CAMK2B: variants seen among roughly 807,000 people sequenced by gnomAD.
CAMK2B encodes the protein calcium/calmodulin dependent protein kinase II beta, also known as calcium/calmodulin-dependent protein kinase type II subunit beta.
Under a neutral mutation model 93.7 loss-of-function variants are expected in CAMK2B, and 27 were observed. That is an observed-to-expected ratio of 0.29 (90% CI 0.21 to 0.40). The LOEUF (loss-of-function observed/expected upper bound fraction) is 0.40. Ranked by LOEUF, CAMK2B falls within the 10% of genes least tolerant of loss-of-function variation. The pLI, the probability that CAMK2B is intolerant of heterozygous loss-of-function variation, is 1.00. For missense variants in CAMK2B, 568 were observed against 895.8 expected, an observed-to-expected ratio of 0.63 and a Z score of 4.67; for synonymous variants, 374 against 358.8, an observed-to-expected ratio of 1.04 and a Z score of -0.48.
chr7:44,313,733 T>C (rs1794146076), intron 1 of CAMK2B, among the ~76,000 whole-genome samples: 2 of 145,444 alleles, frequency 1.4e-5, no homozygotes, highest in South Asian at 2.7e-4. Context: ...ATGTGAGGGC[T>C]CACAGGTTCC....
At position 44,218,017 on chromosome 7, in the gene CAMK2B, G is replaced by C. The variant is rs966236807; in HGVS notation, c.*1508C>G. ...CAGGGCTAGACCCTGCCCTCCATCC[G>C]CTGGTGTCCTGGGCCCTGTGCCCAC... On this transcript the variant is annotated 3_prime_UTR_variant, in exon 24 of 24. Transcript: ENST00000395749. 1 of 152,342 alleles carries C rather than the reference G, an allele frequency of 6.6e-6. No individual in the cohort carries two copies. Among genetic ancestry groups the C allele is most frequent in the Non-Finnish European group, 1.5e-5 (1 of 68,180 alleles). 9.4% of individuals were successfully genotyped at this position (152,342 alleles called of 1,614,324 possible). A position where few individuals can be genotyped will look rare whatever the true frequency, so the allele number is the denominator to read the frequency against.
rs537871427 is a variant in CAMK2B, at chr7:44,228,840, G to A, written c.1424C>T (p.Pro475Leu). ...EAEGPLSAGPPPCLSPALLGP... is the reference protein window; with the variant it reads ...EAEGPLSAGPLPCLSPALLGP... ...TAGGAGAGCCGGAGACAGGCAGGGC[G>A]GGGGCCCCGCTGAGAGGGGGCCCTC... Residue 475 changes from proline (P) to leucine (L), a missense_variant, in exon 19 of 24, where the codon CCG becomes CTG. Around this residue, in one of 4 missense-constraint regions of CAMK2B, gnomAD observed 308 missense variants for 292.1 expected, o/e 1.05. Transcript: ENST00000395749. The A allele has an allele frequency of 5.2e-5, 77 of 1,493,244 alleles. No homozygotes were observed. Among genetic ancestry groups the A allele is most frequent in the Middle Eastern group, 1.9e-4 (1 of 5,398 alleles). The allele number at this position is 1,493,244 out of a possible 1,614,324, so 92.5% of individuals were successfully genotyped here. A position where few individuals can be genotyped will look rare whatever the true frequency, so the allele number is the denominator to read the frequency against.
At chr7:44,304,936 AGAGAAAAAAATTGTATCTTT>A (rs1791049174) in intron 1 of CAMK2B, among the ~76,000 whole-genome samples, 1 of 151,234 alleles carries the variant, frequency 6.6e-6, no homozygotes, top group Non-Finnish European at 1.5e-5. Flanking sequence ...TTCATTGTAA[AGAGAAAAAAATTGTATCTTT>A]AAAACACCAG....
rs370915741 is a variant in CAMK2B, at chr7:44,229,462, C to T, written c.1265G>A (p.Gly422Asp). 3.4e-6 allele frequency: 5 copies of T among 1,478,448 alleles called. No homozygotes were observed. Among genetic ancestry groups the T allele is most frequent in the Non-Finnish European group, 1.8e-6 (2 of 1,115,148 alleles). The allele number at this position is 1,478,448 out of a possible 1,614,324, so 91.6% of individuals were successfully genotyped here. The change falls in exon 18 of 24, where the codon GGC becomes GAC. Residue 422 changes from glycine (G) to aspartate (D), a missense_variant. By Grantham distance (94) the Gly-to-Asp change is moderately conservative. Transcript: ENST00000395749. ...CCCCTCGGCTTCTGGGGCTCCCGAG[C>T]CCCTCCTCACTGAGCTCAGGATGTC... ...VPDILSSVRR[G>D]SGAPEAEGPL...
chr7:44,296,535 C>A (rs550129819), intron 1 of CAMK2B, among the ~76,000 whole-genome samples: 1 of 151,972 alleles, frequency 6.6e-6, no homozygotes, highest in South Asian at 2.1e-4. Context: ...GTAATGTTGA[C>A]TGAGTCTTTC....
At chr7:44,222,391 G>A (rs1415965252) in intron 20 of CAMK2B, among the ~76,000 whole-genome samples, 2 of 152,034 alleles carry the variant, frequency 1.3e-5, no homozygotes, top group South Asian at 2.1e-4. Flanking sequence ...TGCCTCCAAC[G>A]GCCACATACA....
At position 44,239,719 on chromosome 7, in the gene CAMK2B, G is replaced by A. The variant is rs971884066; in HGVS notation, c.947-56C>T. 10 of 1,239,764 alleles carry A rather than the reference G, an allele frequency of 8.1e-6. No homozygotes were observed. In the African/African-American group the frequency reaches 9.0e-5, roughly 11 times the overall value. The allele number at this position is 1,239,764 out of a possible 1,614,324, so 76.8% of individuals were successfully genotyped here. A position where few individuals can be genotyped will look rare whatever the true frequency, so the allele number is the denominator to read the frequency against. On this transcript the variant is annotated intron_variant, in intron 12 of 23. Coordinates refer to ENST00000395749, the MANE Select transcript of CAMK2B (RefSeq NM_001220.5). ...GGGAGGGGTGGGCGGACACAGACGAGGGGTGGGCGAGGTAAGGGAAGAAAA... is the reference window on the plus strand; with the variant it reads ...GGGAGGGGTGGGCGGACACAGACGAAGGGTGGGCGAGGTAAGGGAAGAAAA...
At chr7:44,253,375 G>A (rs1014078375) in intron 5 of CAMK2B, among the ~76,000 whole-genome samples, 75 of 151,798 alleles carry the variant, frequency 4.9e-4, no homozygotes, top group Non-Finnish European at 4.1e-4. Flanking sequence ...CACCACGCCC[G>A]GCTAATTTTG....
chr7:44,228,517 A>G (rs1311649843), intron 19 of CAMK2B, among the ~76,000 whole-genome samples: 1 of 152,000 alleles, frequency 6.6e-6, no homozygotes, highest in Non-Finnish European at 1.5e-5. Context: ...CAGGGCTGGG[A>G]CAGACATTTT....
chr7:44,267,636 T>G (rs1562959813), intron 2 of CAMK2B, among the ~76,000 whole-genome samples: 2 of 152,192 alleles, frequency 1.3e-5, no homozygotes, highest in Non-Finnish European at 2.9e-5. Flanking sequence ...TTTACACACC[T>G]GCTCCCCAAG....
intron 20 of CAMK2B, among the ~76,000 whole-genome samples, chr7:44,221,935 A>C (rs1000485559): frequency 3.0e-4 from 45 of 152,254 alleles, no homozygotes; most frequent in African/African-American, 1.1e-3. Context: ...TTTTAAAGAA[A>C]TAAAGCACCG....
At chr7:44,223,866 A>C (rs947378045) in intron 20 of CAMK2B, among the ~76,000 whole-genome samples, 3 of 152,024 alleles carry the variant, frequency 2.0e-5, no homozygotes, top group African/African-American at 7.3e-5. Context: ...CTCCCTTTCT[A>C]ATGTACAGAG....
intron 1 of CAMK2B, among the ~76,000 whole-genome samples, chr7:44,303,589 A>C (rs139988424): frequency 1.9e-3 from 292 of 152,346 alleles, no homozygotes; most frequent in Non-Finnish European, 3.8e-3. Context: ...TACACCTTTC[A>C]TAATGATTAA....
Position 44,279,078 on chromosome 7 carries a change from AGGCTG to A in CAMK2B, c.160+5048_160+5052del, listed in dbSNP as rs1315319537. 9.2e-3 allele frequency among the ~76,000 whole-genome samples: 1,403 copies of A among 152,338 alleles called. 29 individuals carry two copies. Among genetic ancestry groups the A allele is most frequent in the African/African-American group, 0.032 (1,336 of 41,580 alleles). On this transcript the variant is annotated intron_variant, in intron 2 of 23. Coordinates refer to ENST00000395749, the MANE Select transcript of CAMK2B (RefSeq NM_001220.5). ...TCTGAATCATTAGAAACACAAACAC[AGGCTG>A]CATATGAGATGGTATCAAGGAATTA... is the stretch of plus-strand genomic sequence containing the variant.
chr7:44,255,540 G>C (rs1199380598), intron 4 of CAMK2B, among the ~76,000 whole-genome samples: 1 of 152,128 alleles, frequency 6.6e-6, no homozygotes, highest in African/African-American at 2.4e-5. Context: ...GTGTGGGGCA[G>C]GCCTGTGGGG....
intron 1 of CAMK2B, among the ~76,000 whole-genome samples, chr7:44,302,268 C>T (rs1447299343): frequency 2.6e-5 from 4 of 152,038 alleles, no homozygotes; most frequent in African/African-American, 9.7e-5. Context: ...AATAATTTTC[C>T]AAAACAGAAA....
At chr7:44,260,290 G>A (rs1380671009) in intron 3 of CAMK2B, among the ~76,000 whole-genome samples, 1 of 152,140 alleles carries the variant, frequency 6.6e-6, no homozygotes, top group African/African-American at 2.4e-5. Flanking sequence ...TTCTCCCAGG[G>A]GCCCAGCCTG....
At chr7:44,240,154 G>GC (rs58991977) in intron 12 of CAMK2B, among the ~76,000 whole-genome samples, 151,244 of 152,160 alleles carry the variant, frequency 0.99, 75,164 homozygotes, top group East Asian at 1. Context: ...CTAACATCAT[G>GC]CCCGATGGGT....
intron 4 of CAMK2B, among the ~76,000 whole-genome samples, chr7:44,257,510 G>A (rs2096844390): frequency 1.3e-5 from 2 of 152,216 alleles, no homozygotes; most frequent in South Asian, 2.1e-4. Context: ...GCCCTGGATC[G>A]GACCACCCCC....
Sources: gnomAD v4.1 joint callset for allele counts (sites outside exome capture counted in the v4.1 genomes callset) on GRCh38, gnomAD v4.1.1 for gene constraint, gnomAD v4.1.1 regional missense constraint, MANE v1.5 for transcripts, NCBI Gene and HGNC (gene_info 2026-07-23, HGNC 2026-07-21) for gene names.